Variants in NEGR1 observed in about 807,000 individuals in gnomAD.
NEGR1 encodes the protein IgLON family member 4.
A neutral mutation model predicts 40.9 loss-of-function variants in NEGR1; 10 were observed. The observed-to-expected ratio is 0.24, with a 90% CI of 0.15 to 0.42. The LOEUF (loss-of-function observed/expected upper bound fraction) is 0.42. Among genes scored for constraint, NEGR1 ranks in the 10% least tolerant of loss-of-function variants. The probability of loss-of-function intolerance (pLI) is 1.00; values close to 1 mark genes in which losing one functional copy is unlikely to be tolerated. For missense variants in NEGR1, 352 were observed against 438.9 expected (o/e 0.80, Z 1.77); for synonymous variants, 185 against 166.8 (o/e 1.11, Z -0.84).
chr1:71,826,450 TTTTG>T (rs924024172), intron 2 of NEGR1, among the ~76,000 whole-genome samples: 1 of 151,954 alleles, frequency 6.6e-6, no homozygotes, highest in Non-Finnish European at 1.5e-5. Context: ...TGGCTTTGCA[TTTTG>T]TTTGTTTTGT....
intron 1 of NEGR1, among the ~76,000 whole-genome samples, chr1:72,084,428 C>T (rs1360676705): frequency 1.3e-5 from 2 of 152,164 alleles, no homozygotes; most frequent in African/African-American, 2.4e-5. Flanking sequence ...AAATTGCAAA[C>T]GTTTCTCTAG....
At chr1:71,756,781 T>C (rs1225165586) in intron 3 of NEGR1, among the ~76,000 whole-genome samples, 1 of 151,932 alleles carries the variant, frequency 6.6e-6, no homozygotes, top group Non-Finnish European at 1.5e-5. Flanking sequence ...CTTCAGAGCT[T>C]CAGCACTGTT....
intron 6 of NEGR1, among the ~76,000 whole-genome samples, chr1:71,537,141 T>C (rs938744017): frequency 1.3e-5 from 2 of 151,714 alleles, no homozygotes; most frequent in Non-Finnish European, 3.0e-5. Flanking sequence ...GTTTTACATA[T>C]ATTAATTCAT....
At chr1:72,202,473 C>T (rs1653251276) in intron 1 of NEGR1, among the ~76,000 whole-genome samples, 2 of 151,802 alleles carry the variant, frequency 1.3e-5, no homozygotes, top group African/African-American at 2.4e-5. Context: ...AGCAAAATAG[C>T]CAAGTTGTAA....
intron 3 of NEGR1, among the ~76,000 whole-genome samples, chr1:71,760,796 T>A (rs1655915454): frequency 6.6e-6 from 1 of 152,134 alleles, no homozygotes; most frequent in Admixed American, 6.6e-5. Context: ...ACAGGCTGTG[T>A]ACATGTACAC....
intron 1 of NEGR1, among the ~76,000 whole-genome samples, chr1:72,252,801 T>A: frequency 6.6e-6 from 1 of 152,220 alleles, no homozygotes; most frequent in East Asian, 1.9e-4. Flanking sequence ...TGATTTATAC[T>A]ATTTAACATA....
intron 1 of NEGR1, among the ~76,000 whole-genome samples, chr1:72,117,097 C>T (rs1467446740): frequency 6.6e-6 from 1 of 151,578 alleles, no homozygotes; most frequent in Non-Finnish European, 1.5e-5. Context: ...CTAGTTCTTC[C>T]CTCTGTTTTC....
At chr1:71,935,853 C>T (rs907954582) in intron 1 of NEGR1, among the ~76,000 whole-genome samples, 7 of 152,148 alleles carry the variant, frequency 4.6e-5, no homozygotes, top group South Asian at 4.2e-4. Flanking sequence ...GGCTGGAATG[C>T]GGTGGAAAAA....
chr1:71,480,164 C>T, intron 6 of NEGR1, among the ~76,000 whole-genome samples: 1 of 151,910 alleles, frequency 6.6e-6, no homozygotes, highest in South Asian at 2.1e-4. Flanking sequence ...CCAATATCTA[C>T]TGAATGTTTA....
intron 1 of NEGR1, among the ~76,000 whole-genome samples, chr1:72,149,109 T>C (rs1252375887): frequency 6.6e-6 from 1 of 152,114 alleles, no homozygotes; most frequent in African/African-American, 2.4e-5. Flanking sequence ...GACTTACATT[T>C]CCACATGGCT....
intron 6 of NEGR1, among the ~76,000 whole-genome samples, chr1:71,460,496 T>C (rs1241185083): frequency 6.6e-6 from 1 of 152,244 alleles, no homozygotes; most frequent in African/African-American, 2.4e-5. Context: ...TCTTAATCTC[T>C]GTAAGCCTTG....
intron 6 of NEGR1, chr1:71,421,311 C>T (rs1646392097): frequency 6.6e-6 from 1 of 152,040 alleles, no homozygotes; most frequent in Admixed American, 6.6e-5. Flanking sequence ...AGAAAATTAG[C>T]ATTCAGACAT....
intron 1 of NEGR1, among the ~76,000 whole-genome samples, chr1:71,992,208 T>C (rs567174639): frequency 1.6e-4 from 24 of 152,272 alleles, no homozygotes; most frequent in African/African-American, 5.1e-4. Flanking sequence ...AATTGTGTAT[T>C]TCATATACAT....
chr1:71,723,145 G>A (rs551011745), intron 3 of NEGR1, among the ~76,000 whole-genome samples: 1 of 151,998 alleles, frequency 6.6e-6, no homozygotes, highest in African/African-American at 2.4e-5. Flanking sequence ...TGACTGTAAT[G>A]TGCCTGGTTG....
intron 3 of NEGR1, among the ~76,000 whole-genome samples, chr1:71,717,181 A>G (rs866273735): frequency 6.6e-6 from 1 of 152,222 alleles, no homozygotes; most frequent in Non-Finnish European, 1.5e-5. Context: ...TAAGAATTAT[A>G]ACTTATCTGA....
intron 4 of NEGR1, among the ~76,000 whole-genome samples, chr1:71,663,398 C>G (rs181104811): frequency 2.0e-5 from 3 of 152,176 alleles, no homozygotes; most frequent in East Asian, 3.9e-4. Context: ...ATACTTGCTT[C>G]TTTGTCTATA....
intron 3 of NEGR1, among the ~76,000 whole-genome samples, chr1:71,731,630 T>A (rs750750532): frequency 6.6e-6 from 1 of 152,166 alleles, no homozygotes; most frequent in Non-Finnish European, 1.5e-5. Flanking sequence ...AAAGCACACA[T>A]CTTTTTTCTT....
chr1:72,161,412 G>GC (rs1283388949), intron 1 of NEGR1, among the ~76,000 whole-genome samples: 2 of 151,912 alleles, frequency 1.3e-5, no homozygotes, highest in Admixed American at 6.6e-5. Flanking sequence ...TGGAGATTTT[G>GC]CCCCCCAGGG....
intron 2 of NEGR1, among the ~76,000 whole-genome samples, chr1:71,857,327 A>G (rs1003012073): frequency 1.3e-5 from 2 of 151,612 alleles, no homozygotes; most frequent in African/African-American, 4.8e-5. Flanking sequence ...CTGACCACAA[A>G]CAGGCCAGGC....
Sources: gnomAD v4.1 joint callset for allele counts (sites outside exome capture counted in the v4.1 genomes callset) on GRCh38, gnomAD v4.1.1 for gene constraint, MANE v1.5 for transcripts, NCBI Gene and HGNC (gene_info 2026-07-23, HGNC 2026-07-21) for gene names.